The following USP6NL variants were observed in gnomAD, a reference collection of about 807,000 sequenced individuals.
The protein encoded by USP6NL is USP6 N-terminal like.
In USP6NL, 26 loss-of-function variants were observed where a neutral mutation model predicts 61.9. That is an observed-to-expected ratio of 0.42 (90% CI 0.31 to 0.58). The LOEUF is 0.58. Ranked by LOEUF, USP6NL falls within the 20% of genes least tolerant of loss-of-function variation. USP6NL has a pLI of 0.16. For synonymous variants in USP6NL, 432 were observed against 390.1 expected, an observed-to-expected ratio of 1.11 and a Z score of -1.27; for missense variants, 1,114 against 1,034.3, an observed-to-expected ratio of 1.08 and a Z score of -1.06.
intron 2 of USP6NL, among the ~76,000 whole-genome samples, chr10:11,569,460 G>T (rs1022283916): frequency 2.0e-5 from 3 of 152,148 alleles, no homozygotes; most frequent in African/African-American, 7.2e-5. Context: ...TAACCTTCAC[G>T]TATAGAATTT....
intron 2 of USP6NL, among the ~76,000 whole-genome samples, chr10:11,566,652 G>A (rs1566185869): frequency 3.3e-5 from 5 of 152,190 alleles, no homozygotes; most frequent in Admixed American, 2.6e-4. Context: ...CTGCAATGTG[G>A]CTATTGAGTA....
chr10:11,502,889 T>C (rs948731097), intron 6 of USP6NL, among the ~76,000 whole-genome samples: 9 of 152,202 alleles, frequency 5.9e-5, no homozygotes, highest in African/African-American at 1.9e-4. Flanking sequence ...TTTAATCCCA[T>C]GCGATCACTT....
Position 11,595,502 on chromosome 10 carries a change from C to T in USP6NL, c.4+2129G>A, listed in dbSNP as rs1024655531. 2.6e-5 allele frequency among the ~76,000 whole-genome samples: 4 copies of T among 152,200 alleles called. No homozygotes were observed. Among genetic ancestry groups the T allele is most frequent in the African/African-American group, 4.8e-5 (2 of 41,436 alleles). On this transcript the variant is annotated intron_variant, in intron 2 of 14. Coordinates refer to ENST00000609104, the MANE Select transcript of USP6NL (RefSeq NM_014688.5). The surrounding 1 kb of genome is among the most constrained non-coding windows in gnomAD (Gnocchi z 5.3). ...AGGTTGCTGACCTAATGCCAGCTGA[C>T]TCAGTGACTGAATCTGTGATGTTCT...
intron 2 of USP6NL, among the ~76,000 whole-genome samples, chr10:11,594,471 T>C (rs1421685179): frequency 1.3e-5 from 2 of 152,224 alleles, no homozygotes; most frequent in Non-Finnish European, 2.9e-5. Flanking sequence ...AATCCTTTAA[T>C]AGCTCCTTAA....
chr10:11,588,532 A>G (rs1751273025), intron 2 of USP6NL, among the ~76,000 whole-genome samples: 1 of 152,230 alleles, frequency 6.6e-6, no homozygotes, highest in Admixed American at 6.5e-5. Context: ...AATTGATCCC[A>G]CTGAAAAAAT....
At chr10:11,529,399 C>T (rs1221582130) in intron 2 of USP6NL, among the ~76,000 whole-genome samples, 1 of 152,102 alleles carries the variant, frequency 6.6e-6, no homozygotes, top group Non-Finnish European at 1.5e-5. Flanking sequence ...CAGACATATC[C>T]TTACCCAGCA....
intron 2 of USP6NL, among the ~76,000 whole-genome samples, chr10:11,538,685 TCTTA>T (rs1835932686): frequency 1.3e-5 from 2 of 152,232 alleles, no homozygotes; most frequent in Admixed American, 6.5e-5. Flanking sequence ...CTTAGCTTTC[TCTTA>T]TATATTTATT....
rs1307857056 is a variant in USP6NL, at chr10:11,496,217, A to G, written c.385-2989T>C. ...AACAAACCTCCAGTCTTGGGCTAGC[A>G]CTGAGGGAGCTAAGGAGCTCTAACT... On this transcript the variant is annotated intron_variant, in intron 7 of 14. Transcript: ENST00000609104. The surrounding 1 kb of genome is among the most constrained non-coding windows in gnomAD (Gnocchi z 5.4). 6.6e-6 allele frequency among the ~76,000 whole-genome samples: 1 copy of G among 152,188 alleles called. No individual in the cohort carries two copies. The highest frequency in any genetic ancestry group is 2.4e-5 in the African/African-American group (1 of 41,444).
chr10:11,562,846 T>C lies in USP6NL; in HGVS notation c.4+34785A>G, dbSNP rs1370810191. 2 of 928,848 alleles carry C rather than the reference T, an allele frequency of 2.2e-6. No individual in the cohort carries two copies. The highest frequency in any genetic ancestry group is 6.2e-5 in the Admixed American group (1 of 16,186). The allele number at this position is 928,848 out of a possible 1,614,324, so 57.5% of individuals were successfully genotyped here. On this transcript the variant is annotated intron_variant, in intron 2 of 14. Coordinates refer to ENST00000609104, the MANE Select transcript of USP6NL (RefSeq NM_014688.5). The surrounding 1 kb of genome is among the most constrained non-coding windows in gnomAD (Gnocchi z 4.8). ...TTTTAGAAGAATAATAGTAAGGGTC[T>C]TTTGGTAGTTTCTTGAAAAAGTAGA...
intron 2 of USP6NL, among the ~76,000 whole-genome samples, chr10:11,582,484 A>G (rs765271725): frequency 7.9e-5 from 12 of 152,268 alleles, no homozygotes; most frequent in Non-Finnish European, 1.5e-4. Context: ...TCTACAATAT[A>G]AATTACAGCA....
At chr10:11,506,521 T>C (rs987989555) in intron 6 of USP6NL, among the ~76,000 whole-genome samples, 2 of 152,152 alleles carry the variant, frequency 1.3e-5, no homozygotes, top group South Asian at 4.2e-4. Flanking sequence ...TGGTGGTGCT[T>C]GCCTACAGTC....
At chr10:11,529,906 G>T (rs1266503480) in intron 2 of USP6NL, among the ~76,000 whole-genome samples, 1 of 152,072 alleles carries the variant, frequency 6.6e-6, no homozygotes, top group Non-Finnish European at 1.5e-5. Flanking sequence ...TTTGAGACCA[G>T]CCTGGCCAAC....
chr10:11,508,063 A>G lies in USP6NL; in HGVS notation c.276+1532T>C, dbSNP rs575194683. ...ACATAAGATAATCTGTATCTATACAAAAAGGGAAAAGAAAGGATTATACTG... is the reference window on the plus strand; with the variant it reads ...ACATAAGATAATCTGTATCTATACAGAAAGGGAAAAGAAAGGATTATACTG... On this transcript the variant is annotated intron_variant, in intron 6 of 14. Transcript: ENST00000609104. Among the ~76,000 whole-genome samples the G allele has an allele frequency of 2.6e-5, 4 of 152,370 alleles. No homozygotes were observed. In the South Asian group the frequency reaches 8.3e-4, roughly 32 times the overall value.
chr10:11,560,714 T>A (rs1009886510), intron 2 of USP6NL, among the ~76,000 whole-genome samples: 7 of 141,326 alleles, frequency 5.0e-5, no homozygotes, highest in East Asian at 2.0e-4. Flanking sequence ...TATATATATA[T>A]TATATATATA....
At position 11,487,157 on chromosome 10, in the gene USP6NL, TC is replaced by T. The variant is rs1833504958; in HGVS notation, c.665-1247del. Among the ~76,000 whole-genome samples, 2 of 152,148 alleles carry T rather than the reference TC, an allele frequency of 1.3e-5. No individual in the cohort carries two copies. The highest frequency in any genetic ancestry group is 4.8e-5 in the African/African-American group (2 of 41,422). Reference sequence around the variant, plus strand: ...CTAATTTTCGAAAAGTCAATACAGTTCAGTAATAACTAGCTCAAGAATGCTA... The same window carrying T: ...CTAATTTTCGAAAAGTCAATACAGTTAGTAATAACTAGCTCAAGAATGCTA... On this transcript the variant is annotated intron_variant, in intron 10 of 14. Coordinates refer to ENST00000609104, the MANE Select transcript of USP6NL (RefSeq NM_014688.5). The surrounding 1 kb of genome is among the most constrained non-coding windows in gnomAD (Gnocchi z 4.2).
intron 14 of USP6NL, among the ~76,000 whole-genome samples, chr10:11,475,206 A>G (rs1474578001): frequency 6.6e-6 from 1 of 152,124 alleles, no homozygotes; most frequent in Non-Finnish European, 1.5e-5. Context: ...CTGCCTTTTC[A>G]GTACTAACTA....
intron 2 of USP6NL, among the ~76,000 whole-genome samples, chr10:11,552,300 A>G (rs1836519812): frequency 6.6e-6 from 1 of 152,258 alleles, no homozygotes; most frequent in African/African-American, 2.4e-5. Flanking sequence ...CAGTGAACTT[A>G]AACAAGTGAG....
chr10:11,562,261 C>CAAAAA lies in USP6NL; in HGVS notation c.5-34699_5-34695dup. Reference sequence around the variant, plus strand: ...TGGCGGACAGTGCAAGACTCCATCTCAAAAAAAAAAAAAAAAAATTGCATT... The same window carrying CAAAAA: ...TGGCGGACAGTGCAAGACTCCATCTCAAAAAAAAAAAAAAAAAAAAAAATTGCATT... On this transcript the variant is annotated intron_variant, in intron 2 of 14. Coordinates refer to ENST00000609104, the MANE Select transcript of USP6NL (RefSeq NM_014688.5). The surrounding 1 kb of genome is among the most constrained non-coding windows in gnomAD (Gnocchi z 4.8). 3.0e-5 allele frequency: 10 copies of CAAAAA among 329,554 alleles called. No homozygotes were observed. Among genetic ancestry groups the CAAAAA allele is most frequent in the Non-Finnish European group, 3.5e-5 (9 of 253,832 alleles). The allele number at this position is 329,554 out of a possible 1,614,324, so 20.4% of individuals were successfully genotyped here.
rs1836559576 is a variant in USP6NL, at chr10:11,553,199, G to A, written c.5-25632C>T. Reference sequence around the variant, plus strand: ...TCACATTAATCCACAACCATATTTTGGCTACTGAATTGTTGAATGCAAAGA... The same window carrying A: ...TCACATTAATCCACAACCATATTTTAGCTACTGAATTGTTGAATGCAAAGA... On this transcript the variant is annotated intron_variant, in intron 2 of 14. Transcript: ENST00000609104. This position sits in a 1 kb window ranked among gnomAD's most constrained non-coding sequence, Gnocchi z 4.8. Among the ~76,000 whole-genome samples, 1 of 151,996 alleles carries A rather than the reference G, an allele frequency of 6.6e-6. No homozygotes were observed. The highest frequency in any genetic ancestry group is 2.1e-4 in the South Asian group (1 of 4,820).
Sources: gnomAD v4.1 joint callset for allele counts (sites outside exome capture counted in the v4.1 genomes callset) on GRCh38, gnomAD v4.1.1 for gene constraint, Gnocchi (gnomAD v3.1) non-coding constraint, MANE v1.5 for transcripts, NCBI Gene and HGNC (gene_info 2026-07-23, HGNC 2026-07-21) for gene names.